Variants in SLC24A3 observed in about 807,000 individuals in gnomAD.
SLC24A3 encodes the protein sodium/potassium/calcium exchanger 3.
SLC24A3 carries 28 observed loss-of-function variants against 75.8 expected under a neutral mutation model. The ratio of observed to expected loss-of-function variants is 0.37; its 90% CI spans 0.27 to 0.51. The LOEUF is 0.51. SLC24A3 is among the 20% of genes least tolerant of loss of function. The pLI is 0.94. For synonymous variants in SLC24A3, 372 were observed against 334.1 expected, an observed-to-expected ratio of 1.11 and a Z score of -1.24; for missense variants, 663 against 847.8, an observed-to-expected ratio of 0.78 and a Z score of 2.71.
intron 2 of SLC24A3, among the ~76,000 whole-genome samples, chr20:19,405,420 A>C (rs1986626463): frequency 6.6e-6 from 1 of 152,230 alleles, no homozygotes; most frequent in African/African-American, 2.4e-5. Context: ...GTGTTTGAGA[A>C]AACAAAATGT....
chr20:19,371,446 A>G (rs1985991356), intron 2 of SLC24A3, among the ~76,000 whole-genome samples: 1 of 152,110 alleles, frequency 6.6e-6, no homozygotes, highest in East Asian at 1.9e-4. Context: ...GAAATGAGCA[A>G]AGCATTATGG....
At chr20:19,716,112 G>C (rs924731052) in intron 15 of SLC24A3, among the ~76,000 whole-genome samples, 2 of 152,162 alleles carry the variant, frequency 1.3e-5, no homozygotes, top group Admixed American at 6.5e-5. Context: ...TCTGATTCAG[G>C]AGTTCTGGGT....
chr20:19,539,865 G>A (rs1395532288), intron 3 of SLC24A3, among the ~76,000 whole-genome samples: 1 of 152,164 alleles, frequency 6.6e-6, no homozygotes, highest in East Asian at 1.9e-4. Context: ...GATTAAGGGG[G>A]AAACCTAGCA....
At chr20:19,439,761 T>C (rs1337217157) in intron 2 of SLC24A3, among the ~76,000 whole-genome samples, 1 of 152,178 alleles carries the variant, frequency 6.6e-6, no homozygotes, top group Non-Finnish European at 1.5e-5. Context: ...GGTCTCTGAA[T>C]GGAAAATAAT....
At chr20:19,599,579 G>C (rs1000982548) in intron 6 of SLC24A3, among the ~76,000 whole-genome samples, 1 of 152,258 alleles carries the variant, frequency 6.6e-6, no homozygotes, top group South Asian at 2.1e-4. Context: ...GGCTACCCAG[G>C]TGCTCATCTC....
intron 1 of SLC24A3, among the ~76,000 whole-genome samples, chr20:19,240,440 G>A (rs1470419833): frequency 6.6e-6 from 1 of 152,222 alleles, no homozygotes; most frequent in Non-Finnish European, 1.5e-5. Flanking sequence ...AATTCTAAGT[G>A]ACAGGGAACT....
At chr20:19,255,673 C>T (rs993227801) in intron 1 of SLC24A3, among the ~76,000 whole-genome samples, 1 of 152,168 alleles carries the variant, frequency 6.6e-6, no homozygotes, top group African/African-American at 2.4e-5. Context: ...CTGTCCAATA[C>T]GGGAGCCATG....
intron 15 of SLC24A3, among the ~76,000 whole-genome samples, chr20:19,717,034 C>T (rs1482528015): frequency 6.6e-6 from 1 of 152,238 alleles, no homozygotes. Context: ...CAACCCTCCT[C>T]CACTTCTTCC....
At chr20:19,567,575 A>T (rs926584881) in intron 3 of SLC24A3, among the ~76,000 whole-genome samples, 6 of 152,196 alleles carry the variant, frequency 3.9e-5, no homozygotes, top group African/African-American at 1.4e-4. Context: ...TATCTTGGTG[A>T]CTAAATGGTC....
chr20:19,520,068 T>C (rs1568642638), intron 3 of SLC24A3, among the ~76,000 whole-genome samples: 1 of 152,240 alleles, frequency 6.6e-6, no homozygotes. Flanking sequence ...CAGATATTTC[T>C]ATATGCTTGT....
chr20:19,610,147 C>T (rs969725539), intron 6 of SLC24A3, among the ~76,000 whole-genome samples: 4 of 152,118 alleles, frequency 2.6e-5, no homozygotes, highest in Non-Finnish European at 4.4e-5. Context: ...TTGTCTTCCT[C>T]GGCTTTCTTC....
chr20:19,286,238 A>G (rs933757409), intron 2 of SLC24A3, among the ~76,000 whole-genome samples: 1 of 152,142 alleles, frequency 6.6e-6, no homozygotes, highest in African/African-American at 2.4e-5. Flanking sequence ...GACTGGCCCG[A>G]AGCCCACAGT....
chr20:19,553,227 C>T (rs1033032242), intron 3 of SLC24A3, among the ~76,000 whole-genome samples: 1 of 152,096 alleles, frequency 6.6e-6, no homozygotes, highest in Non-Finnish European at 1.5e-5. Context: ...GTGCACATCT[C>T]TAGGTGTGTG....
At chr20:19,292,097 A>T (rs1366934798) in intron 2 of SLC24A3, among the ~76,000 whole-genome samples, 1 of 152,168 alleles carries the variant, frequency 6.6e-6, no homozygotes, top group African/African-American at 2.4e-5. Context: ...GGGCTGTGGG[A>T]CCCTGGACCA....
intron 2 of SLC24A3, among the ~76,000 whole-genome samples, chr20:19,439,327 T>A (rs1035844840): frequency 2.0e-5 from 3 of 152,152 alleles, no homozygotes; most frequent in Admixed American, 2.0e-4. Flanking sequence ...GGCACCAAAT[T>A]TTCGTCTTTG....
intron 6 of SLC24A3, among the ~76,000 whole-genome samples, chr20:19,644,916 T>G (rs2032117498): frequency 6.6e-6 from 1 of 152,212 alleles, no homozygotes; most frequent in Admixed American, 6.5e-5. Context: ...TTATTTTCAC[T>G]AAGCACTTTT....
intron 2 of SLC24A3, among the ~76,000 whole-genome samples, chr20:19,385,030 C>T (rs561823650): frequency 1.3e-5 from 2 of 152,116 alleles, no homozygotes; most frequent in African/African-American, 4.8e-5. Context: ...CTTATCCATT[C>T]TAGATATTAA....
At chr20:19,696,538 C>T (rs915482558) in intron 13 of SLC24A3, 2 of 392,378 alleles carry the variant, frequency 5.1e-6, no homozygotes, top group Non-Finnish European at 9.1e-6. Context: ...AAACCACCCG[C>T]CTCACCGGAA....
At chr20:19,508,958 A>G (rs906927059) in intron 2 of SLC24A3, among the ~76,000 whole-genome samples, 4 of 152,270 alleles carry the variant, frequency 2.6e-5, no homozygotes, top group South Asian at 2.1e-4. Flanking sequence ...ACAGATGCCA[A>G]TGCAAGACAG....
Sources: allele counts gnomAD v4.1 joint callset (sites outside exome capture counted in the v4.1 genomes callset), GRCh38; gene constraint gnomAD v4.1.1; transcripts MANE v1.5; gene names NCBI Gene and HGNC (gene_info 2026-07-23, HGNC 2026-07-21).